The following DAB1 variants were observed in gnomAD, a reference collection of about 807,000 sequenced individuals.
DAB1 encodes the protein DAB adaptor protein 1.
In DAB1, 15 loss-of-function variants were observed where a neutral mutation model predicts 64.6. The observed-to-expected ratio is 0.23, with a 90% CI of 0.16 to 0.36. The LOEUF (loss-of-function observed/expected upper bound fraction) is 0.36, where lower values mean the gene tolerates loss of function less well. DAB1 is among the 10% of genes least tolerant of loss of function. DAB1 has a pLI of 1.00. For missense variants in DAB1, 596 were observed against 706.7 expected (o/e 0.84, Z 1.78); for synonymous variants, 235 against 251.9 (o/e 0.93, Z 0.64).
At chr1:57,888,079 T>G (rs1437592450), upstream of DAB1, among the ~76,000 whole-genome samples, 1 of 152,190 alleles carries the variant, frequency 6.6e-6, no homozygotes, top group African/African-American at 2.4e-5. Flanking sequence ...GGCATTCAGC[T>G]GCAGTAGGTG....
In DAB1 at chr1:57,833,587, T is replaced by C. The variant is rs570917359; in HGVS notation, n.88-7132A>G. On this transcript the variant is annotated intron_variant and non_coding_transcript_variant, in intron 1 of 1. Transcript: ENST00000477280. ...TCAGGAGCATTAATAAAGCAAGATG[T>C]AGAGTTGAATAAATAAGTGAATGAG... 2.6e-5 allele frequency among the ~76,000 whole-genome samples: 4 copies of C among 152,242 alleles called. No individual in the cohort carries two copies. The East Asian group carries it at 7.7e-4, about 29-fold the overall frequency.
At chr1:57,380,600 T>C (rs1681289132) in intron 1 of DAB1, among the ~76,000 whole-genome samples, 1 of 152,204 alleles carries the variant, frequency 6.6e-6, no homozygotes, top group South Asian at 2.1e-4. Flanking sequence ...GTACAATGTG[T>C]TTATATTGCA....
At chr1:58,459,772 G>A (rs1359777739) in intron 3 of DAB1, among the ~76,000 whole-genome samples, 4 of 152,180 alleles carry the variant, frequency 2.6e-5, no homozygotes, top group Non-Finnish European at 4.4e-5. Flanking sequence ...GAGGCCAAGG[G>A]TTCAAAACCA....
At chr1:57,987,408 G>C (rs953683278) in intron 5 of DAB1, among the ~76,000 whole-genome samples, 3 of 152,116 alleles carry the variant, frequency 2.0e-5, no homozygotes, top group African/African-American at 7.2e-5. Flanking sequence ...AGGTAGTATT[G>C]GTTCCCTAGT....
At chr1:57,875,131 G>A (rs1300709818) in intron 1 of DAB1, 1 of 152,152 alleles carries the variant, frequency 6.6e-6, no homozygotes, top group Non-Finnish European at 1.5e-5. Context: ...TTATTGTGTG[G>A]TTATGCCTGC....
At chr1:58,338,762 C>A (rs1173049384) in intron 4 of DAB1, among the ~76,000 whole-genome samples, 1 of 152,062 alleles carries the variant, frequency 6.6e-6, no homozygotes, top group Non-Finnish European at 1.5e-5. Context: ...ACCCAAATGT[C>A]CATCAATAGA....
intron 4 of DAB1, among the ~76,000 whole-genome samples, chr1:58,305,621 G>A (rs1662287627): frequency 1.3e-5 from 2 of 150,672 alleles, no homozygotes; most frequent in African/African-American, 2.4e-5. Flanking sequence ...AAGAAATAAA[G>A]TTATCAGATC....
intron 7 of DAB1, among the ~76,000 whole-genome samples, chr1:57,518,285 A>G (rs1417108494): frequency 1.3e-5 from 2 of 151,958 alleles, no homozygotes; most frequent in Non-Finnish European, 2.9e-5. Context: ...TTTTTCTTGT[A>G]CTGGAATCTG....
chr1:57,647,065 G>T (rs1164372269), intron 7 of DAB1, among the ~76,000 whole-genome samples: 2 of 152,102 alleles, frequency 1.3e-5, no homozygotes, highest in African/African-American at 4.8e-5. Context: ...TTACATTAAT[G>T]ACAGTACAAG....
chr1:58,139,308 T>C (rs1174612623), intron 5 of DAB1, among the ~76,000 whole-genome samples: 1 of 152,168 alleles, frequency 6.6e-6, no homozygotes, highest in Non-Finnish European at 1.5e-5. Flanking sequence ...TCCATTCTCA[T>C]GCTACTATGA....
intron 1 of DAB1, among the ~76,000 whole-genome samples, chr1:58,544,814 G>A (rs186246264): frequency 3.6e-4 from 55 of 152,234 alleles, no homozygotes; most frequent in Admixed American, 1.3e-3. Flanking sequence ...GGCTAGTCTC[G>A]AACTCCTGGC....
intron 6 of DAB1, among the ~76,000 whole-genome samples, chr1:57,692,576 A>T (rs868392977): frequency 6.6e-6 from 1 of 152,060 alleles, no homozygotes; most frequent in African/African-American, 2.4e-5. Context: ...AATAGTAAAG[A>T]AAAAACAGTG....
chr1:58,276,954 T>G (rs943382466), intron 4 of DAB1, among the ~76,000 whole-genome samples: 4 of 152,084 alleles, frequency 2.6e-5, no homozygotes, highest in African/African-American at 9.7e-5. Context: ...CCGTGTCCAG[T>G]TTGCAGAGAC....
chr1:58,199,241 G>A (rs932234314), intron 4 of DAB1, among the ~76,000 whole-genome samples: 2 of 152,222 alleles, frequency 1.3e-5, no homozygotes, highest in Non-Finnish European at 2.9e-5. Flanking sequence ...ATGATGTCTT[G>A]TAAGGTCCTG....
intron 6 of DAB1, among the ~76,000 whole-genome samples, chr1:57,781,158 A>G (rs868311358): frequency 4.0e-4 from 35 of 88,592 alleles, no homozygotes; most frequent in Middle Eastern, 0.012. Context: ...ATATATATAT[A>G]TATATATATA....
chr1:58,315,688 C>A (rs1333292483), intron 4 of DAB1, among the ~76,000 whole-genome samples: 2 of 152,086 alleles, frequency 1.3e-5, no homozygotes, highest in East Asian at 3.9e-4. Flanking sequence ...ATGTACAATT[C>A]CTTTATTTGT....
At chr1:57,013,220 A>G (rs1270633398) in intron 12 of DAB1, among the ~76,000 whole-genome samples, 1 of 152,180 alleles carries the variant, frequency 6.6e-6, no homozygotes, top group Non-Finnish European at 1.5e-5. Context: ...CATTTTGTTT[A>G]TTTCATTCTC....
chr1:57,155,387 G>C (rs951456347), intron 2 of DAB1, among the ~76,000 whole-genome samples: 1 of 152,008 alleles, frequency 6.6e-6, no homozygotes, highest in African/African-American at 2.4e-5. Flanking sequence ...TGGTCTATGT[G>C]TCTATTTTTA....
chr1:58,487,653 A>T (rs1190590560), intron 3 of DAB1, among the ~76,000 whole-genome samples: 1 of 152,164 alleles, frequency 6.6e-6, no homozygotes, highest in African/African-American at 2.4e-5. Flanking sequence ...ATAGTTTTTT[A>T]AATTTGATTT....
Sources: allele counts gnomAD v4.1 joint callset (sites outside exome capture counted in the v4.1 genomes callset), GRCh38; gene constraint gnomAD v4.1.1; transcripts MANE v1.5; gene names NCBI Gene and HGNC (gene_info 2026-07-23, HGNC 2026-07-21).